Variants in WDR75 observed in about 807,000 individuals in gnomAD.
The protein encoded by WDR75 is WD repeat domain 75.
Under a neutral mutation model 106.1 loss-of-function variants are expected in WDR75, and 52 were observed. The observed-to-expected ratio is 0.49, with a 90% confidence interval of 0.39 to 0.62. WDR75 has a LOEUF of 0.62. Among genes scored for constraint, WDR75 ranks in the 20% least tolerant of loss-of-function variants. The probability of loss-of-function intolerance (pLI) is 0.00; values close to 1 mark genes in which losing one functional copy is unlikely to be tolerated. For synonymous variants in WDR75, 333 were observed against 335.5 expected, an observed-to-expected ratio of 0.99 and a Z score of 0.08; for missense variants, 905 against 970.3, an observed-to-expected ratio of 0.93 and a Z score of 0.89.
intron 6 of WDR75, 94 bp from the exon 7 acceptor site, chr2:189,458,659 G>T: frequency 1.8e-6 from 2 of 1,108,196 alleles, no homozygotes. Context: ...TACAATTTTG[G>T]TTGCTATTGC....
intron 2 of WDR75, 125 bp from the exon 3 acceptor site, chr2:189,450,778 A>G (rs1376770987): frequency 2.0e-6 from 3 of 1,481,702 alleles, no homozygotes; most frequent in Middle Eastern, 2.3e-4. Flanking sequence ...AAATGACTCT[A>G]CCTCTTTAAG....
chr2:189,446,182 T>A (rs1329739166), intron 1 of WDR75, among the ~76,000 whole-genome samples: 1 of 152,206 alleles, frequency 6.6e-6, no homozygotes, highest in Non-Finnish European at 1.5e-5. Context: ...CAAGTTAGAC[T>A]GGGATCAGAC....
intron 2 of WDR75, chr2:189,448,775 G>T (rs935965091): frequency 1.8e-6 from 1 of 555,378 alleles, no homozygotes; most frequent in African/African-American, 1.9e-5. Flanking sequence ...ACAGTTAAAT[G>T]TATTTGTTGA....
Position 189,462,649 on chromosome 2 carries a change from C to T in WDR75, c.937+7C>T. On this transcript the variant is annotated splice_region_variant and intron_variant, in intron 9 of 20. Coordinates refer to ENST00000314761, the MANE Select transcript of WDR75 (RefSeq NM_032168.3). The stretch of plus-strand genomic sequence containing the variant: ...ACTTCTCACTCTGATAATAGTAAGT[C>T]TAAATTTTTTATTATGAGGAAATAT... The T allele has an allele frequency of 6.2e-7, 1 of 1,611,950 alleles. No individual in the cohort carries two copies. Among genetic ancestry groups the T allele is most frequent in the Non-Finnish European group, 8.5e-7 (1 of 1,178,858 alleles).
intron 6 of WDR75, 69 bp downstream of exon 6, chr2:189,457,450 A>G (rs1481780380): frequency 1.0e-6 from 1 of 991,454 alleles, no homozygotes; most frequent in Admixed American, 2.2e-5. Context: ...TTTCTTCCTA[A>G]TACCTATAGT....
At chr2:189,453,499 T>A (rs1458396984) in intron 4 of WDR75, among the ~76,000 whole-genome samples, 1 of 152,176 alleles carries the variant, frequency 6.6e-6, no homozygotes, top group Admixed American at 6.5e-5. Flanking sequence ...CTTAATAAGA[T>A]TCTGTGTGCT....
Position 189,462,571 on chromosome 2 carries a change from T to G in WDR75, c.866T>G (p.Leu289Ter). ...TEKNKEFLPR[L>*]GATIEHISVS... ...AAGAATAAGGAGTTTCTCCCGCGTT[T>G]AGGAGCTACTATTGAACATATCTCA... Residue 289 changes from leucine to a stop codon, truncating the protein, a stop_gained, in exon 9 of 21, where the codon TTA (leucine) becomes TGA (stop). Transcript: ENST00000314761. LOFTEE classifies it high-confidence loss of function. The G allele has an allele frequency of 6.2e-7, 1 of 1,614,076 alleles. No individual in the cohort carries two copies. The highest frequency in any genetic ancestry group is 8.5e-7 in the Non-Finnish European group (1 of 1,179,974).
At position 189,474,106 on chromosome 2, in the gene WDR75, T is replaced by C. The variant is rs2105576740; in HGVS notation, c.2050-80T>C. 2.1e-6 allele frequency: 3 copies of C among 1,399,290 alleles called. No homozygotes were observed. In the East Asian group the frequency reaches 6.9e-5, roughly 32 times the overall value. The allele number at this position is 1,399,290 out of a possible 1,614,324, so 86.7% of individuals were successfully genotyped here. On this transcript the variant is annotated intron_variant, in intron 18 of 20. Transcript: ENST00000314761. ...TCCTTTCATCCCAGACTTTTTATGA[T>C]TCTGTAGTACTTACTGTTAAGTCAA...
intron 5 of WDR75, among the ~76,000 whole-genome samples, chr2:189,456,388 A>T (rs1185206528): frequency 6.6e-6 from 1 of 152,178 alleles, no homozygotes; most frequent in Non-Finnish European, 1.5e-5. Flanking sequence ...AATATTCATC[A>T]GCAAGAGAAT....
chr2:189,455,743 T>G (rs1332330304), intron 5 of WDR75: 1 of 184,934 alleles, frequency 5.4e-6, no homozygotes, highest in Non-Finnish European at 1.1e-5. Context: ...ATATGCCCAT[T>G]ATAGAAAATT....
rs768024946 is a variant in WDR75, at chr2:189,475,414, T to C, written c.2490T>C (p.Leu830=). 2 of 1,596,790 alleles carry C rather than the reference T, an allele frequency of 1.3e-6. No individual in the cohort carries two copies. The highest frequency in any genetic ancestry group is 1.4e-5 in the African/African-American group (1 of 74,040). Residue 830 remains leucine (L), a synonymous_variant, in exon 21 of 21, where the codon CTT becomes CTC. Transcript: ENST00000314761. ...TAGACTACAGCTGGATAGCTGCCCT[T>C]TAAGCCTTGGAGATGGGGAGGATCC... is the stretch of plus-strand genomic sequence containing the variant. ...RKIDYSWIAA[L]
intron 11 of WDR75, 75 bp from the exon 12 acceptor site, chr2:189,465,004 A>T: frequency 1.8e-6 from 2 of 1,132,734 alleles, no homozygotes; most frequent in Non-Finnish European, 2.5e-6. Flanking sequence ...GTTAATTATC[A>T]TTTCTTGAAT....
intron 11 of WDR75, 72 bp downstream of exon 11, chr2:189,464,033 TTAG>T (rs1424618162): frequency 1.6e-6 from 2 of 1,245,940 alleles, no homozygotes; most frequent in Non-Finnish European, 2.3e-6. Flanking sequence ...AGCAATTTGT[TTAG>T]TAGCTTTTAA....
chr2:189,457,950 G>T (rs1336628796), intron 6 of WDR75, among the ~76,000 whole-genome samples: 17 of 133,498 alleles, frequency 1.3e-4, no homozygotes, highest in Non-Finnish European at 7.8e-5. Context: ...TTTTGAGATG[G>T]AGTCTTGCTC....
intron 15 of WDR75, 46 bp downstream of exon 15, chr2:189,468,615 A>G (rs753258252): frequency 6.3e-6 from 10 of 1,588,034 alleles, no homozygotes; most frequent in Non-Finnish European, 7.8e-6. Flanking sequence ...GCGCATAAGG[A>G]GTTGACATTA....
At chr2:189,474,610 C>G in intron 19 of WDR75, 107 bp from the exon 20 acceptor site, 1 of 1,002,632 alleles carries the variant, frequency 1.0e-6, no homozygotes, top group Non-Finnish European at 1.5e-6. Context: ...TTTCATGTTT[C>G]ACTCTTGGCA....
chr2:189,468,397 C>G (rs1335672493), intron 14 of WDR75, 78 bp from the exon 15 acceptor site: 1 of 1,317,644 alleles, frequency 7.6e-7, no homozygotes, highest in East Asian at 2.3e-5. Context: ...CATAGAACAG[C>G]CGCTGGAAGC....
At chr2:189,452,062 TC>T in intron 4 of WDR75, 167 bp downstream of exon 4, 1 of 567,644 alleles carries the variant, frequency 1.8e-6, no homozygotes, top group Non-Finnish European at 3.1e-6. Flanking sequence ...TTGTATGAAT[TC>T]TGAAATATGC....
chr2:189,456,752 C>T (rs1262278382), intron 5 of WDR75, among the ~76,000 whole-genome samples: 2 of 151,966 alleles, frequency 1.3e-5, no homozygotes, highest in African/African-American at 4.8e-5. Flanking sequence ...ATAAGTTATT[C>T]CTAATTCTAG....
Sources: gnomAD v4.1 joint callset for allele counts (sites outside exome capture counted in the v4.1 genomes callset) on GRCh38, gnomAD v4.1.1 for gene constraint, MANE v1.5 for transcripts, NCBI Gene and HGNC (gene_info 2026-07-23, HGNC 2026-07-21) for gene names.